Variants in HIVEP3 observed in about 807,000 individuals in gnomAD.
HIVEP3 encodes the protein transcription factor HIVEP3.
Under a neutral mutation model 152.8 loss-of-function variants are expected in HIVEP3, and 49 were observed. The observed-to-expected ratio is 0.32, with a 90% CI of 0.26 to 0.41. The LOEUF (loss-of-function observed/expected upper bound fraction) is 0.41, where lower values mean the gene tolerates loss of function less well. Among genes scored for constraint, HIVEP3 ranks in the 10% least tolerant of loss-of-function variants. HIVEP3 has a pLI of 1.00. For synonymous variants in HIVEP3, 1,269 were observed against 1,289.0 expected (o/e 0.98, Z 0.33); for missense variants, 2,790 against 3,103.3 (o/e 0.90, Z 2.40).
At chr1:41,688,413 T>C (rs185857999) in intron 2 of HIVEP3, among the ~76,000 whole-genome samples, 81 of 152,352 alleles carry the variant, frequency 5.3e-4, no homozygotes, top group Non-Finnish European at 9.3e-4. Context: ...TCTGGTCATA[T>C]GGCTGACCTG....
At position 41,509,269 on chromosome 1, in the gene HIVEP3, C is replaced by G. The variant is rs1236971191; in HGVS notation, c.*1182G>C. Reference sequence around the variant, plus strand: ...AGCAAACAGGTCCAGGCCGTATCCACCAGCCACAGTTGTGGGTATTTCCTT... The same window carrying G: ...AGCAAACAGGTCCAGGCCGTATCCAGCAGCCACAGTTGTGGGTATTTCCTT... On this transcript the variant is annotated 3_prime_UTR_variant, in exon 9 of 9. Transcript: ENST00000372583. 1.3e-5 allele frequency: 2 copies of G among 152,234 alleles called. No individual in the cohort carries two copies. The highest frequency in any genetic ancestry group is 1.5e-5 in the Non-Finnish European group (1 of 68,060). 9.4% of individuals were successfully genotyped at this position (152,234 alleles called of 1,614,324 possible).
At chr1:41,570,396 G>C (rs1488702041) in intron 5 of HIVEP3, among the ~76,000 whole-genome samples, 2 of 152,290 alleles carry the variant, frequency 1.3e-5, no homozygotes, top group South Asian at 2.1e-4. Context: ...TACCATTCTG[G>C]TGACAGTGCA....
At chr1:41,696,176 AT>A (rs1487003078) in intron 2 of HIVEP3, among the ~76,000 whole-genome samples, 1 of 152,238 alleles carries the variant, frequency 6.6e-6, no homozygotes, top group Non-Finnish European at 1.5e-5. Flanking sequence ...CCCTGAGGGC[AT>A]TTCAGATGCC....
chr1:41,912,662 A>T lies in HIVEP3; in HGVS notation c.-801+5751T>A, dbSNP rs539870767. 2.6e-5 allele frequency among the ~76,000 whole-genome samples: 4 copies of T among 152,342 alleles called. No individual in the cohort carries two copies. The South Asian group carries it at 8.3e-4, about 32-fold the overall frequency. Reference sequence around the variant, plus strand: ...TTTTTTCTCAAACTTTGAAATCTTCAAAATGAGGGCATGGAGCAAATGACT... The same window carrying T: ...TTTTTTCTCAAACTTTGAAATCTTCTAAATGAGGGCATGGAGCAAATGACT... On this transcript the variant is annotated intron_variant, in intron 1 of 8. Transcript: ENST00000372583.
At chr1:41,922,620 T>A (rs954535633), upstream of HIVEP3, among the ~76,000 whole-genome samples, 2 of 152,188 alleles carry the variant, frequency 1.3e-5, no homozygotes, top group Non-Finnish European at 2.9e-5. Context: ...AATATAGTTG[T>A]AAAATTTAAT....
At chr1:41,545,779 C>T (rs867657784) in intron 5 of HIVEP3, among the ~76,000 whole-genome samples, 2 of 144,296 alleles carry the variant, frequency 1.4e-5, no homozygotes, top group African/African-American at 5.5e-5. Context: ...ATCACCACCA[C>T]CACCACCACC....
intron 1 of HIVEP3, among the ~76,000 whole-genome samples, chr1:41,968,556 C>G (rs1360756899): frequency 1.3e-5 from 2 of 152,082 alleles, no homozygotes; most frequent in Non-Finnish European, 2.9e-5. Context: ...AAGGAACATA[C>G]CTCAAAATAG....
intron 1 of HIVEP3, among the ~76,000 whole-genome samples, chr1:41,777,085 A>G (rs1000479579): frequency 6.6e-6 from 1 of 152,166 alleles, no homozygotes; most frequent in African/African-American, 2.4e-5. Flanking sequence ...CCGTGGGAGA[A>G]AAGAGGTCCT....
chr1:41,984,452 T>C (rs1465642420), intron 1 of HIVEP3, among the ~76,000 whole-genome samples: 1 of 152,064 alleles, frequency 6.6e-6, no homozygotes, highest in Non-Finnish European at 1.5e-5. Flanking sequence ...ATGATAGCCC[T>C]AAGGGAGAAG....
At chr1:41,760,672 C>A (rs1372637341) in intron 1 of HIVEP3, among the ~76,000 whole-genome samples, 1 of 152,202 alleles carries the variant, frequency 6.6e-6, no homozygotes, top group Non-Finnish European at 1.5e-5. Flanking sequence ...CAGTACAGGG[C>A]CCTGGGGCTT....
chr1:41,958,216 C>T (rs951511589), intron 1 of HIVEP3, among the ~76,000 whole-genome samples: 1 of 152,218 alleles, frequency 6.6e-6, no homozygotes, highest in African/African-American at 2.4e-5. Context: ...CGTGACCAGG[C>T]ACATCTCAAG....
chr1:41,949,517 T>C (rs1245351115), intron 1 of HIVEP3, among the ~76,000 whole-genome samples: 1 of 151,896 alleles, frequency 6.6e-6, no homozygotes, highest in Non-Finnish European at 1.5e-5. Context: ...AGGGGAAGAA[T>C]GCTGTTATTA....
chr1:41,732,629 G>A (rs710241), intron 1 of HIVEP3, among the ~76,000 whole-genome samples: 58,570 of 151,934 alleles, frequency 0.39, 11,747 homozygotes, highest in East Asian at 0.64. Context: ...ACCCCAGCTG[G>A]AGCCTCATGT....
chr1:42,015,605 GA>G (rs1484285937), intron 1 of HIVEP3, among the ~76,000 whole-genome samples: 3 of 152,254 alleles, frequency 2.0e-5, no homozygotes, highest in African/African-American at 4.8e-5. Flanking sequence ...AGGTACTAAA[GA>G]AGCCTTTTCT....
At chr1:41,917,754 G>T (rs1644893066) in intron 1 of HIVEP3, among the ~76,000 whole-genome samples, 1 of 152,096 alleles carries the variant, frequency 6.6e-6, no homozygotes, top group African/African-American at 2.4e-5. Flanking sequence ...ATCCCCTATA[G>T]AATAGGAGTT....
intron 7 of HIVEP3, among the ~76,000 whole-genome samples, chr1:41,518,104 C>T (rs1422904124): frequency 2.0e-5 from 3 of 152,244 alleles, no homozygotes; most frequent in Admixed American, 1.3e-4. Context: ...AGTAAACATT[C>T]ACTGAGCACC....
chr1:41,690,894 G>A (rs1181632980), intron 2 of HIVEP3, among the ~76,000 whole-genome samples: 1 of 152,130 alleles, frequency 6.6e-6, no homozygotes, highest in Non-Finnish European at 1.5e-5. Context: ...CTCCAGCCTG[G>A]GTGACAAGAG....
Position 41,873,364 on chromosome 1 carries a change from G to A in HIVEP3, c.-801+45049C>T, listed in dbSNP as rs1423114806. ...CATGCACTCAGCTGGCCCAGGCACC[G>A]ATAACCTAGCATGTCCTTTTAGAAT... On this transcript the variant is annotated intron_variant, in intron 1 of 8. Transcript: ENST00000372583. The surrounding 1 kb of genome is among the most constrained non-coding windows in gnomAD (Gnocchi z 4.2). Among the ~76,000 whole-genome samples the A allele has an allele frequency of 6.6e-6, 1 of 152,058 alleles. No homozygotes were observed. Among genetic ancestry groups the A allele is most frequent in the Non-Finnish European group, 1.5e-5 (1 of 68,002 alleles).
intron 4 of HIVEP3, among the ~76,000 whole-genome samples, chr1:41,577,221 T>C (rs940276176): frequency 2.6e-5 from 4 of 152,240 alleles, no homozygotes. Context: ...TGAATAAGTA[T>C]AGTTAAAAAT....
Sources: gnomAD v4.1 joint callset for allele counts (sites outside exome capture counted in the v4.1 genomes callset) on GRCh38, gnomAD v4.1.1 for gene constraint, Gnocchi (gnomAD v3.1) non-coding constraint, MANE v1.5 for transcripts, NCBI Gene and HGNC (gene_info 2026-07-23, HGNC 2026-07-21) for gene names.